The following TRAPPC11 variants were observed in gnomAD, a reference collection of about 807,000 sequenced individuals.
The protein encoded by TRAPPC11 is foie gras homolog.
A neutral mutation model predicts 151.2 loss-of-function variants in TRAPPC11; 104 were observed. The ratio of observed to expected loss-of-function variants is 0.69; its 90% CI spans 0.59 to 0.81. The LOEUF is 0.81. Ranked by LOEUF, TRAPPC11 falls within the 30% of genes least tolerant of loss-of-function variation. TRAPPC11 has a pLI of 0.00. For missense variants in TRAPPC11, 1,230 were observed against 1,349.6 expected, an observed-to-expected ratio of 0.91 and a Z score of 1.39; for synonymous variants, 456 against 472.3, an observed-to-expected ratio of 0.97 and a Z score of 0.45.
At chr4:183,694,526 G>A in intron 22 of TRAPPC11, 78 bp from the exon 23 acceptor site, 1 of 1,403,234 alleles carries the variant, frequency 7.1e-7, no homozygotes, top group Non-Finnish European at 9.8e-7. Flanking sequence ...TCTAGAAGGT[G>A]GGAACATTAT....
chr4:183,705,289 A>T (rs1362602103), intron 27 of TRAPPC11, among the ~76,000 whole-genome samples: 1 of 152,222 alleles, frequency 6.6e-6, no homozygotes, highest in Non-Finnish European at 1.5e-5. Context: ...ATACTTTCAT[A>T]TGCCTGTTTT....
Position 183,685,489 on chromosome 4 carries a change from G to A in TRAPPC11, c.1762+86G>A, listed in dbSNP as rs572070690. 499 of 1,449,718 alleles carry A rather than the reference G, an allele frequency of 3.4e-4. 2 individuals carry two copies. The highest frequency in any genetic ancestry group is 4.3e-4 in the Non-Finnish European group (454 of 1,064,822). The allele number at this position is 1,449,718 out of a possible 1,614,324, so 89.8% of individuals were successfully genotyped here. On this transcript the variant is annotated intron_variant, in intron 17 of 29. Transcript: ENST00000334690. ...TAGGTGCAGAATAATAAATATAAAA[G>A]TCAAGAAAGAGTTTTCAAAGTATAA... is the stretch of plus-strand genomic sequence containing the variant.
intron 8 of TRAPPC11, among the ~76,000 whole-genome samples, chr4:183,677,994 A>G (rs111636896): frequency 6.8e-6 from 1 of 147,810 alleles, no homozygotes; most frequent in African/African-American, 2.5e-5. Context: ...GCTGGAGTGC[A>G]GTGGTGGGAT....
chr4:183,690,663 C>T (rs1414575728), intron 18 of TRAPPC11, among the ~76,000 whole-genome samples: 1 of 152,036 alleles, frequency 6.6e-6, no homozygotes, highest in Non-Finnish European at 1.5e-5. Flanking sequence ...AAATGAAGAC[C>T]TGAAAGAAAG....
rs201152069 is a variant in TRAPPC11 at position 183,664,245 on chromosome 4, C to CT, written c.204+183dup. 6.9e-4 allele frequency among the ~76,000 whole-genome samples: 105 copies of CT among 151,334 alleles called. 2 individuals carry two copies. In the South Asian group the frequency reaches 0.018, roughly 26 times the overall value. On this transcript the variant is annotated intron_variant, in intron 2 of 29. Transcript: ENST00000334690. ...ACTGCATGTATATTTAATAATAGTT[C>CT]TTTTTTTTTAAACTCCAGAGGAATA...
intron 5 of TRAPPC11, among the ~76,000 whole-genome samples, chr4:183,671,125 C>T (rs1334538814): frequency 6.6e-6 from 1 of 152,200 alleles, no homozygotes; most frequent in Non-Finnish European, 1.5e-5. Flanking sequence ...CTCGGCCTCC[C>T]ATAGTGCTGG....
At chr4:183,683,576 C>G (rs375061685) in intron 11 of TRAPPC11, among the ~76,000 whole-genome samples, 1 of 151,942 alleles carries the variant, frequency 6.6e-6, no homozygotes, top group Non-Finnish European at 1.5e-5. Context: ...ATGGGATGAT[C>G]GCTTGAGCCT....
chr4:183,664,328 G>A (rs1423122232), intron 2 of TRAPPC11, among the ~76,000 whole-genome samples: 1 of 151,524 alleles, frequency 6.6e-6, no homozygotes, highest in East Asian at 1.9e-4. Context: ...TTGTTTTTAG[G>A]AAAAAACCCA....
chr4:183,665,261 A>AT (rs1421611115), intron 2 of TRAPPC11, among the ~76,000 whole-genome samples: 4 of 151,400 alleles, frequency 2.6e-5, no homozygotes, highest in Non-Finnish European at 5.9e-5. Flanking sequence ...CGTCCAGCTA[A>AT]TTTTCTGTAT....
intron 3 of TRAPPC11, 155 bp from the exon 4 acceptor site, chr4:183,666,905 A>C (rs1189779915): frequency 1.8e-6 from 1 of 558,722 alleles, no homozygotes; most frequent in African/African-American, 1.9e-5. Flanking sequence ...TGTGACATAT[A>C]TGTGCTTTGT....
chr4:183,698,616 G>A (rs1736659629), intron 25 of TRAPPC11, among the ~76,000 whole-genome samples: 1 of 152,130 alleles, frequency 6.6e-6, no homozygotes, highest in African/African-American at 2.4e-5. Context: ...ATATATATGA[G>A]AACATATGAA....
At chr4:183,673,225 T>A (rs1489190252) in intron 5 of TRAPPC11, among the ~76,000 whole-genome samples, 1 of 152,160 alleles carries the variant, frequency 6.6e-6, no homozygotes, top group Admixed American at 6.5e-5. Flanking sequence ...CCCAAAGTGC[T>A]GGGATTACAA....
chr4:183,703,877 T>C (rs2111092999), intron 26 of TRAPPC11, among the ~76,000 whole-genome samples: 1 of 152,320 alleles, frequency 6.6e-6, no homozygotes, highest in South Asian at 2.1e-4. Flanking sequence ...GGAACACCAC[T>C]ATGTTTGTTG....
In TRAPPC11 at chr4:183,684,153, C is replaced by T. The variant is rs138134740; in HGVS notation, c.1296C>T (p.Ile432=). 2.8e-5 allele frequency: 45 copies of T among 1,613,468 alleles called. No individual in the cohort carries two copies. The highest frequency in any genetic ancestry group is 3.3e-4 in the Middle Eastern group (2 of 6,084). ...TCTACTTTTTCTAATAGGAGATAAT[C>T]ATAACTCTTCTGAGCAATGCTGTTG... ...KERNVVHSEI[I]ITLLSNAVAQ... The change falls in exon 13 of 30, where the codon ATC becomes ATT. Residue 432 remains isoleucine (I), a synonymous_variant. Transcript: ENST00000334690.
chr4:183,683,326 A>G (rs111532812), intron 11 of TRAPPC11, among the ~76,000 whole-genome samples: 2,193 of 152,326 alleles, frequency 0.014, 31 homozygotes, highest in Non-Finnish European at 0.024. Context: ...ATATTTTTTA[A>G]TACTTTATAC....
chr4:183,670,855 G>C (rs1390560230), intron 5 of TRAPPC11, among the ~76,000 whole-genome samples: 1 of 151,982 alleles, frequency 6.6e-6, no homozygotes, highest in African/African-American at 2.4e-5. Flanking sequence ...GCGTGGTCTT[G>C]GCTCACTGCA....
Position 183,708,548 on chromosome 4 carries a change from T to C in TRAPPC11, c.3331T>C (p.Phe1111Leu). 3 of 1,614,076 alleles carry C rather than the reference T, an allele frequency of 1.9e-6. No homozygotes were observed. The highest frequency in any genetic ancestry group is 2.5e-6 in the Non-Finnish European group (3 of 1,179,984). Residue 1111 changes from phenylalanine (F) to leucine (L), a missense_variant, in exon 29 of 30, where the codon TTT becomes CTT. Physicochemically the swap from Phe to Leu is conservative, Grantham distance 22 (BLOSUM62 0). Coordinates refer to ENST00000334690, the MANE Select transcript of TRAPPC11 (RefSeq NM_021942.6). Reference protein sequence around the residue: ...PNFTNQLLRRFIPTSIFVKPQ... With the variant: ...PNFTNQLLRRLIPTSIFVKPQ... ...CTTCACAAATCAGCTGCTCAGGCGT[T>C]TTATACCTACCAGTATTTTTGTCAA...
chr4:183,697,588 A>G lies in TRAPPC11; in HGVS notation c.2694+20A>G. The G allele has an allele frequency of 1.2e-6, 2 of 1,604,000 alleles. No individual in the cohort carries two copies. Among genetic ancestry groups the G allele is most frequent in the Middle Eastern group, 1.7e-4 (1 of 6,014 alleles). On this transcript the variant is annotated intron_variant, in intron 24 of 29. Coordinates refer to ENST00000334690, the MANE Select transcript of TRAPPC11 (RefSeq NM_021942.6). ...ACCAAGGTATGTTTCTTTGAGGCAT[A>G]CTAGAAATCATTTAGGTTATAAAAA...
chr4:183,663,798 T>C (rs1734691772), intron 1 of TRAPPC11, 49 bp from the exon 2 acceptor site: 1 of 793,580 alleles, frequency 1.3e-6, no homozygotes, highest in African/African-American at 1.9e-5. Context: ...GAGAAATGAA[T>C]ATGAGTTTTT....
Sources: allele counts gnomAD v4.1 joint callset (sites outside exome capture counted in the v4.1 genomes callset), GRCh38; gene constraint gnomAD v4.1.1; transcripts MANE v1.5; gene names NCBI Gene and HGNC (gene_info 2026-07-23, HGNC 2026-07-21).